Variants in MDN1 observed in about 807,000 individuals in gnomAD.
MDN1 encodes midasin AAA ATPase 1, also known as midasin.
A neutral mutation model predicts 669.2 loss-of-function variants in MDN1; 266 were observed. That is an observed-to-expected ratio of 0.40 (90% CI 0.36 to 0.44). The LOEUF (loss-of-function observed/expected upper bound fraction) is 0.44. Among genes scored for constraint, MDN1 ranks in the 20% least tolerant of loss-of-function variants. The pLI is 1.00. For missense variants in MDN1, 5,940 were observed against 6,754.0 expected (o/e 0.88, Z 4.22); for synonymous variants, 2,385 against 2,457.1 (o/e 0.97, Z 0.87).
intron 2 of MDN1, among the ~76,000 whole-genome samples, chr6:89,802,034 A>G (rs1169820136): frequency 6.6e-6 from 1 of 152,218 alleles, no homozygotes; most frequent in East Asian, 1.9e-4. Context: ...CTCCAAAGCT[A>G]TAGCTGAGGG....
chr6:89,797,517 G>A, intron 2 of MDN1: 1 of 282,310 alleles, frequency 3.5e-6, no homozygotes, highest in Non-Finnish European at 7.0e-6. Context: ...CCCCTGGGCT[G>A]GGATGATTCA....
Position 89,754,067 on chromosome 6 carries a change from G to A in MDN1, c.2964+16C>T. The A allele has an allele frequency of 3.7e-6, 6 of 1,611,562 alleles. No individual in the cohort carries two copies. Among genetic ancestry groups the A allele is most frequent in the Non-Finnish European group, 5.1e-6 (6 of 1,178,940 alleles). Reference sequence around the variant, plus strand: ...TCCATTAAGCTCATATCCAGTCAAAGAGACTTCAGAAAGACCTCATAGAGT... The same window carrying A: ...TCCATTAAGCTCATATCCAGTCAAAAAGACTTCAGAAAGACCTCATAGAGT... On this transcript the variant is annotated intron_variant, in intron 21 of 101. Transcript: ENST00000369393.
Position 89,658,931 on chromosome 6 carries a change from A to T in MDN1, c.14714-14T>A. ...AAGGATTCTCTTCTGTATAGATACAACAAAAAGGAGGAGTGCAGAATTTTT... is the reference window on the plus strand; with the variant it reads ...AAGGATTCTCTTCTGTATAGATACATCAAAAAGGAGGAGTGCAGAATTTTT... On this transcript the variant is annotated splice_polypyrimidine_tract_variant and intron_variant, in intron 88 of 101. Coordinates refer to ENST00000369393, the MANE Select transcript of MDN1 (RefSeq NM_014611.3). 1 of 1,573,534 alleles carries T rather than the reference A, an allele frequency of 6.4e-7. No individual in the cohort carries two copies. Among genetic ancestry groups the T allele is most frequent in the Non-Finnish European group, 8.6e-7 (1 of 1,161,896 alleles).
intron 73 of MDN1, among the ~76,000 whole-genome samples, chr6:89,682,544 TA>T (rs1237724040): frequency 2.0e-5 from 3 of 151,508 alleles, no homozygotes; most frequent in African/African-American, 7.3e-5. Context: ...CTGTCTCTAC[TA>T]AAAATACAAA....
chr6:89,812,639 CAG>C (rs953134660), intron 1 of MDN1, among the ~76,000 whole-genome samples: 2 of 143,758 alleles, frequency 1.4e-5, no homozygotes, highest in Non-Finnish European at 3.2e-5. Context: ...CTTCTCAAAG[CAG>C]AGTTAATTAA....
rs761408456 is a variant in MDN1, at chr6:89,794,226, T to C, written c.555-19A>G. 3 of 1,412,330 alleles carry C rather than the reference T, an allele frequency of 2.1e-6. No individual in the cohort carries two copies. Among genetic ancestry groups the C allele is most frequent in the Non-Finnish European group, 2.9e-6 (3 of 1,024,090 alleles). 87.5% of individuals were successfully genotyped at this position (1,412,330 alleles called of 1,614,324 possible). A position where few individuals can be genotyped will look rare whatever the true frequency, so the allele number is the denominator to read the frequency against. Reference sequence around the variant, plus strand: ...TGTATACCTAGGGAAAAAGAAAGTATGTAAATTCAGTTTATCTGCAGTTGA... The same window carrying C: ...TGTATACCTAGGGAAAAAGAAAGTACGTAAATTCAGTTTATCTGCAGTTGA... On this transcript the variant is annotated intron_variant, in intron 3 of 101. Coordinates refer to ENST00000369393, the MANE Select transcript of MDN1 (RefSeq NM_014611.3).
Position 89,754,110 on chromosome 6 carries a change from A to C in MDN1, c.2937T>G (p.Cys979Trp). ...RALRFAASNP[C>W]GNIQRSLYEG... ...CATAGAGTGAGCGCTGAATGTTGCC[A>C]CATGGATTGGAGGCTGCAAATCGCA... is the stretch of plus-strand genomic sequence containing the variant. Residue 979 changes from cysteine (C) to tryptophan (W), a missense_variant, in exon 21 of 102, where the codon TGT becomes TGG. Cys to Trp is a radical substitution (Grantham distance 215, BLOSUM62 -2). This residue lies in a region of MDN1 where 1,203 missense variants were observed against 1,268.9 expected (regional missense o/e 0.95). Transcript: ENST00000369393. 6.2e-7 allele frequency: 1 copy of C among 1,614,084 alleles called. No homozygotes were observed. The highest frequency in any genetic ancestry group is 1.7e-4 in the Middle Eastern group (1 of 6,054).
chr6:89,757,501 C>T (rs1817315305), intron 19 of MDN1, among the ~76,000 whole-genome samples: 1 of 152,140 alleles, frequency 6.6e-6, no homozygotes. Context: ...CTGAAGATTC[C>T]CATATGCCTA....
rs772582511 is a variant in MDN1 at position 89,708,625 on chromosome 6, T to C, written c.7769A>G (p.Glu2590Gly). 6.2e-7 allele frequency: 1 copy of C among 1,612,990 alleles called. No homozygotes were observed. Among genetic ancestry groups the C allele is most frequent in the South Asian group, 1.1e-5 (1 of 90,660 alleles). The change falls in exon 51 of 102, where the codon GAA (glutamate) becomes GGA (glycine). Residue 2590 changes from glutamate to glycine, a missense_variant. By Grantham distance (98) the Glu-to-Gly change is moderately conservative. This residue lies in a region of MDN1 where 2,292 missense variants were observed against 2,638.3 expected (regional missense o/e 0.87). Transcript: ENST00000369393. Reference protein sequence around the residue: ...FKILQPNTTDEFVIPLDPRWN... With the variant: ...FKILQPNTTDGFVIPLDPRWN... ...TCGGGGATCCAGAGGGATCACAAAT[T>C]CATCTAGTTTAAAAACAGAACAAAA...
intron 32 of MDN1, among the ~76,000 whole-genome samples, chr6:89,738,667 A>G (rs1816130226): frequency 6.6e-6 from 1 of 152,182 alleles, no homozygotes; most frequent in Non-Finnish European, 1.5e-5. Flanking sequence ...TCACTTTCTT[A>G]ATAGACGTGG....
At chr6:89,654,359 C>G in intron 92 of MDN1, 25 bp from the exon 93 acceptor site, 2 of 1,612,972 alleles carry the variant, frequency 1.2e-6, no homozygotes, top group Non-Finnish European at 1.7e-6. Flanking sequence ...CGCACCCACA[C>G]ATAAAAATCC....
chr6:89,699,465 A>G, intron 58 of MDN1, 136 bp downstream of exon 58: 1 of 893,474 alleles, frequency 1.1e-6, no homozygotes. Context: ...CTTCCCTTTA[A>G]GAGGCAATTC....
chr6:89,774,717 T>G lies in MDN1; in HGVS notation c.1838A>C (p.Gln613Pro). 1.2e-6 allele frequency: 2 copies of G among 1,613,058 alleles called. No homozygotes were observed. The highest frequency in any genetic ancestry group is 1.7e-6 in the Non-Finnish European group (2 of 1,179,126). Residue 613 changes from glutamine to proline, a missense_variant, in exon 13 of 102, where the codon CAA becomes CCA. Physicochemically the swap from Gln to Pro is moderately conservative, Grantham distance 76. Around this residue, in one of 5 missense-constraint regions of MDN1, gnomAD observed 1,203 missense variants for 1,268.9 expected, o/e 0.95. Transcript: ENST00000369393. ...ISRKKAEFFCQLYKPEIVINE... is the reference protein window; with the variant it reads ...ISRKKAEFFCPLYKPEIVINE... The stretch of plus-strand genomic sequence containing the variant: ...GATCACAATTTCTGGTTTATAAAGT[T>G]GACAAAAGAATTCAGCCTGTAGGAG...
chr6:89,815,471 GGCGGAAGCTCCCAGGAGTC>G, intron 1 of MDN1: 1 of 322,702 alleles, frequency 3.1e-6, no homozygotes, highest in Non-Finnish European at 6.1e-6. Context: ...TGAGCTTCCT[GGCGGAAGCTCCCAGGAGTC>G]ATCAGTACCC....
At chr6:89,677,402 T>C in intron 76 of MDN1, among the ~76,000 whole-genome samples, 168 bp downstream of exon 76, 1 of 152,158 alleles carries the variant, frequency 6.6e-6, no homozygotes, top group East Asian at 1.9e-4. Flanking sequence ...CCTCACACTT[T>C]CATTTGAATG....
At chr6:89,768,268 G>A (rs1817903396) in intron 15 of MDN1, among the ~76,000 whole-genome samples, 1 of 152,030 alleles carries the variant, frequency 6.6e-6, no homozygotes, top group Admixed American at 6.6e-5. Flanking sequence ...ACAGGTGGGA[G>A]GTAATTGAAT....
chr6:89,728,880 G>A, intron 36 of MDN1, 51 bp downstream of exon 36: 9 of 1,527,700 alleles, frequency 5.9e-6, no homozygotes, highest in Non-Finnish European at 8.1e-6. Flanking sequence ...AATTGACACA[G>A]ACATTACTAT....
At chr6:89,672,423 A>C in intron 81 of MDN1, 60 bp from the exon 82 acceptor site, 1 of 1,601,150 alleles carries the variant, frequency 6.2e-7, no homozygotes, top group South Asian at 1.1e-5. Context: ...AAATCCTTTT[A>C]TCTCTATCCA....
intron 69 of MDN1, 127 bp from the exon 70 acceptor site, chr6:89,686,100 A>C: frequency 1.1e-6 from 1 of 893,290 alleles, no homozygotes; most frequent in East Asian, 2.7e-5. Flanking sequence ...TGAAGCTCTC[A>C]AGCAAGGACC....
Sources: allele counts gnomAD v4.1 joint callset (sites outside exome capture counted in the v4.1 genomes callset), GRCh38; gene constraint gnomAD v4.1.1; regional missense constraint gnomAD v4.1.1; transcripts MANE v1.5; gene names NCBI Gene and HGNC (gene_info 2026-07-23, HGNC 2026-07-21).